The following HERC5 variants were observed in gnomAD, a reference collection of about 807,000 sequenced individuals.
HERC5 encodes the protein HECT and RLD domain containing E3 ubiquitin protein ligase 5.
Under a neutral mutation model 119.6 loss-of-function variants are expected in HERC5, and 99 were observed. The observed-to-expected ratio is 0.83, with a 90% CI of 0.70 to 0.98. The LOEUF is 0.98. Ranked by LOEUF, HERC5 falls within the 50% of genes least tolerant of loss-of-function variation. The pLI, the probability that HERC5 is intolerant of heterozygous loss-of-function variation, is 0.00. For missense variants in HERC5, 1,267 were observed against 1,241.3 expected, an observed-to-expected ratio of 1.02 and a Z score of -0.31; for synonymous variants, 478 against 445.9, an observed-to-expected ratio of 1.07 and a Z score of -0.91.
At chr4:88,474,658 T>G (rs1250008113) in intron 11 of HERC5, among the ~76,000 whole-genome samples, 1 of 152,204 alleles carries the variant, frequency 6.6e-6, no homozygotes, top group African/African-American at 2.4e-5. Context: ...CATAATATAA[T>G]GATTAAGAAT....
Position 88,495,446 on chromosome 4 carries a change from A to G in HERC5, c.2444+1115A>G, listed in dbSNP as rs946283344. 2.6e-5 allele frequency among the ~76,000 whole-genome samples: 4 copies of G among 152,116 alleles called. No homozygotes were observed. The East Asian group carries it at 7.7e-4, about 29-fold the overall frequency. ...GGCATGGTGGCACATGCCAGGAGGC[A>G]CACCTCAGAAGGCTGAGGCAGGTGG... On this transcript the variant is annotated intron_variant, in intron 18 of 22. Coordinates refer to ENST00000264350, the MANE Select transcript of HERC5 (RefSeq NM_016323.4).
chr4:88,470,398 T>C (rs1200940444), intron 9 of HERC5, among the ~76,000 whole-genome samples: 4 of 152,232 alleles, frequency 2.6e-5, no homozygotes, highest in African/African-American at 9.6e-5. Flanking sequence ...ACTTTTTTAT[T>C]TCCCATGTTT....
chr4:88,462,072 T>G, intron 3 of HERC5, 63 bp from the exon 4 acceptor site: 1 of 1,370,964 alleles, frequency 7.3e-7, no homozygotes, highest in East Asian at 2.4e-5. Context: ...TGCATAATGC[T>G]TTAGGGTAAT....
intron 5 of HERC5, 74 bp downstream of exon 5, chr4:88,463,697 A>G: frequency 6.9e-7 from 1 of 1,443,758 alleles, no homozygotes; most frequent in East Asian, 2.3e-5. Context: ...TGTTTCCCAG[A>G]GAAGAAAGGT....
chr4:88,489,243 G>A lies in HERC5; in HGVS notation c.2040G>A (p.Thr680=), dbSNP rs151070041. 5.8e-5 allele frequency: 94 copies of A among 1,613,974 alleles called. No homozygotes were observed. In the African/African-American group the frequency reaches 1.1e-3, roughly 19 times the overall value. ...ERESEFALRP[T]FDLTVRRNHL... is the part of the protein sequence containing the mutation. ...AGTCTGAATTCGCTTTGAGGCCCAC[G>A]TTTGATCTAACAGTCAGAAGGAATC... is the stretch of plus-strand genomic sequence containing the variant. The change falls in exon 16 of 23, where the codon ACG becomes ACA. Residue 680 remains threonine (T), a synonymous_variant. Transcript: ENST00000264350.
At chr4:88,502,651 G>A (rs1741978579) in intron 20 of HERC5, among the ~76,000 whole-genome samples, 1 of 152,132 alleles carries the variant, frequency 6.6e-6, no homozygotes, top group Non-Finnish European at 1.5e-5. Flanking sequence ...CATCAGTAGG[G>A]TACGACAGTT....
Position 88,457,232 on chromosome 4 carries a change from T to C in HERC5, c.-38T>C. On this transcript the variant is annotated 5_prime_UTR_variant, in exon 1 of 23. Coordinates refer to ENST00000264350, the MANE Select transcript of HERC5 (RefSeq NM_016323.4). ...CTCAGTCCCGGGACCAGGCGTTCTC[T>C]CCTCTCGCCTCTGGGCCTGGGACCC... 1 of 1,294,370 alleles carries C rather than the reference T, an allele frequency of 7.7e-7. No homozygotes were observed. The highest frequency in any genetic ancestry group is 9.8e-7 in the Non-Finnish European group (1 of 1,019,328). 80.2% of individuals were successfully genotyped at this position (1,294,370 alleles called of 1,614,324 possible).
intron 22 of HERC5, 65 bp downstream of exon 22, chr4:88,504,662 T>G: frequency 2.1e-6 from 2 of 962,486 alleles, no homozygotes. Context: ...AAAATTTCCT[T>G]TATGATAAGT....
chr4:88,503,217 A>G (rs564420686), intron 20 of HERC5, among the ~76,000 whole-genome samples: 2 of 152,102 alleles, frequency 1.3e-5, no homozygotes, highest in South Asian at 2.1e-4. Flanking sequence ...TATTTTTTCA[A>G]TTTTTGAAAC....
Position 88,505,218 on chromosome 4 carries a change from G to C in HERC5, c.2870-455G>C, listed in dbSNP as rs867604671. On this transcript the variant is annotated intron_variant, in intron 22 of 22. Transcript: ENST00000264350. ...CACCTTCCCACCTCCAGGCCTTTCTGTGAAGTTCCTTCTCCTGCCTTGAAC... is the reference window on the plus strand; with the variant it reads ...CACCTTCCCACCTCCAGGCCTTTCTCTGAAGTTCCTTCTCCTGCCTTGAAC... Among the ~76,000 whole-genome samples the C allele has an allele frequency of 3.3e-5, 5 of 152,182 alleles. No individual in the cohort carries two copies. The South Asian group carries it at 8.3e-4, about 25-fold the overall frequency.
At chr4:88,460,795 C>A (rs1267353689) in intron 3 of HERC5, among the ~76,000 whole-genome samples, 1 of 152,076 alleles carries the variant, frequency 6.6e-6, no homozygotes, top group Non-Finnish European at 1.5e-5. Context: ...TTGAGACCAG[C>A]CTGGACAACA....
rs888426245 is a variant in HERC5 at position 88,505,617 on chromosome 4, A to G, written c.2870-56A>G. The G allele has an allele frequency of 1.3e-5, 13 of 1,010,976 alleles. No homozygotes were observed. In the African/African-American group the frequency reaches 1.5e-4, roughly 11 times the overall value. 62.6% of individuals were successfully genotyped at this position (1,010,976 alleles called of 1,614,324 possible). The stretch of plus-strand genomic sequence containing the variant: ...TGAATAAATAGATTTTTTTCTCTGT[A>G]AAGAGATTTTGGTCTCCATGTAAAA... On this transcript the variant is annotated intron_variant, in intron 22 of 22. Coordinates refer to ENST00000264350, the MANE Select transcript of HERC5 (RefSeq NM_016323.4).
intron 17 of HERC5, 42 bp downstream of exon 17, chr4:88,493,197 A>G: frequency 1.3e-6 from 2 of 1,591,192 alleles, no homozygotes; most frequent in Non-Finnish European, 1.7e-6. Context: ...TGCGACAGAA[A>G]AAGTACACCA....
chr4:88,463,469 T>C, intron 4 of HERC5, 63 bp from the exon 5 acceptor site: 1 of 1,059,170 alleles, frequency 9.4e-7, no homozygotes, highest in Non-Finnish European at 1.5e-6. Context: ...GCAGTCCAGG[T>C]AACTCCACTG....
chr4:88,475,230 A>G (rs1241486420), intron 11 of HERC5, among the ~76,000 whole-genome samples: 2 of 150,474 alleles, frequency 1.3e-5, no homozygotes, highest in African/African-American at 4.9e-5. Flanking sequence ...AGGGTAGAAT[A>G]TGGTACTTAT....
intron 12 of HERC5, among the ~76,000 whole-genome samples, chr4:88,476,511 A>G (rs1470160405): frequency 6.6e-6 from 1 of 152,226 alleles, no homozygotes; most frequent in East Asian, 1.9e-4. Context: ...AATAATAAGT[A>G]TGTTGTCATT....
intron 8 of HERC5, 126 bp downstream of exon 8, chr4:88,468,548 A>C: frequency 1.7e-6 from 1 of 603,722 alleles, no homozygotes; most frequent in East Asian, 2.9e-5. Flanking sequence ...GGATAGCTGG[A>C]CATTACTGAT....
chr4:88,495,967 C>T (rs1324869432), intron 18 of HERC5, among the ~76,000 whole-genome samples: 2 of 152,180 alleles, frequency 1.3e-5, no homozygotes, highest in African/African-American at 4.8e-5. Flanking sequence ...GACTCCAAAG[C>T]GCTTTTAGTT....
At chr4:88,468,264 GA>G (rs1231230435) in intron 7 of HERC5, 81 bp from the exon 8 acceptor site, 2 of 953,210 alleles carry the variant, frequency 2.1e-6, no homozygotes, top group Non-Finnish European at 3.2e-6. Flanking sequence ...CGTTTAAGAA[GA>G]ATCTGAAGTT....
Sources: gnomAD v4.1 joint callset for allele counts (sites outside exome capture counted in the v4.1 genomes callset) on GRCh38, gnomAD v4.1.1 for gene constraint, MANE v1.5 for transcripts, NCBI Gene and HGNC (gene_info 2026-07-23, HGNC 2026-07-21) for gene names.